The following MESP1 variants were observed in gnomAD, a reference collection of about 807,000 sequenced individuals.
The protein encoded by MESP1 is mesoderm posterior bHLH transcription factor 1, also known as mesoderm posterior protein 1.
A neutral mutation model predicts 15.2 loss-of-function variants in MESP1; 22 were observed. The ratio of observed to expected loss-of-function variants is 1.45; its 90% CI spans 1.04 to 2.07. The LOEUF (loss-of-function observed/expected upper bound fraction) is 2.07, where lower values mean the gene tolerates loss of function less well. Ranked by LOEUF, MESP1 falls within the 30% of genes most tolerant of loss-of-function variation. MESP1 has a pLI of 0.00. For missense variants in MESP1, 484 were observed against 411.9 expected, an observed-to-expected ratio of 1.17 and a Z score of -1.51; for synonymous variants, 216 against 192.6, an observed-to-expected ratio of 1.12 and a Z score of -1.01.
chr15:89,737,807 C>T, the MESP1 span: 41 of 1,574,722 alleles, frequency 2.6e-5, no homozygotes, highest in East Asian at 6.8e-4. Flanking sequence ...AGAGCCCCTC[C>T]GATCTCCTCC....
chr15:89,742,039 T>C, the MESP1 span, among the ~76,000 whole-genome samples: 2 of 151,680 alleles, frequency 1.3e-5, no homozygotes, highest in Non-Finnish European at 2.9e-5. Context: ...GCATGAGCCA[T>C]CACACCCGGC....
At chr15:89,737,688 T>C in the MESP1 span, 1 of 1,614,172 alleles carries the variant, frequency 6.2e-7, no homozygotes, top group South Asian at 1.1e-5. Context: ...TGGAAGCCAG[T>C]GTTTGCTGTG....
downstream of MESP1, among the ~76,000 whole-genome samples, chr15:89,746,297 TC>T (rs1967949000): frequency 1.5e-5 from 1 of 68,476 alleles, no homozygotes; most frequent in Non-Finnish European, 2.9e-5. Context: ...CTCCACACAT[TC>T]ACACATCCAC....
the MESP1 span, chr15:89,743,642 C>G: frequency 1.9e-6 from 1 of 524,682 alleles, no homozygotes; most frequent in Non-Finnish European, 3.4e-6. Flanking sequence ...CTCCAGACTC[C>G]CAAGTTGCTG....
the MESP1 span, among the ~76,000 whole-genome samples, chr15:89,734,881 C>A: frequency 6.6e-6 from 1 of 152,144 alleles, no homozygotes; most frequent in African/African-American, 2.4e-5. Flanking sequence ...ATGACTGTAT[C>A]TCTAAACAGT....
At chr15:89,747,582 C>T (rs1967995671), downstream of MESP1, among the ~76,000 whole-genome samples, 1 of 152,192 alleles carries the variant, frequency 6.6e-6, no homozygotes. Flanking sequence ...GTGGGGCACC[C>T]TGACTGGGCC....
chr15:89,750,180 G>A lies in MESP1; in HGVS notation c.771C>T (p.Leu257=), dbSNP rs772240411. The part of the protein sequence containing the change: ...VLALLETWMP[L]SPLEWLPEEP... Reference sequence around the variant, plus strand: ...CCTCAGGCAGCCACTCCAGAGGCGAGAGGGGCATCCAGGTCTCCAACAGAG... The same window carrying A: ...CCTCAGGCAGCCACTCCAGAGGCGAAAGGGGCATCCAGGTCTCCAACAGAG... Residue 257 remains leucine, a synonymous_variant, in exon 2 of 2, where the codon CTC becomes CTT. Transcript: ENST00000300057. 4.8e-5 allele frequency: 78 copies of A among 1,613,986 alleles called. 1 individual carries two copies. The highest frequency in any genetic ancestry group is 6.6e-5 in the Non-Finnish European group (78 of 1,180,034).
downstream of MESP1, among the ~76,000 whole-genome samples, chr15:89,747,015 GCA>G (rs1430621065): frequency 4.0e-5 from 4 of 101,032 alleles, no homozygotes; most frequent in East Asian, 5.9e-4. Flanking sequence ...ATATGCTCAC[GCA>G]CACACACAGC....
chr15:89,734,644 C>A, the MESP1 span, among the ~76,000 whole-genome samples: 1 of 152,090 alleles, frequency 6.6e-6, no homozygotes, highest in South Asian at 2.1e-4. Flanking sequence ...TTCAATCTAC[C>A]ACACCATTTT....
chr15:89,739,609 A>T, the MESP1 span, among the ~76,000 whole-genome samples: 5 of 152,148 alleles, frequency 3.3e-5, no homozygotes, highest in Admixed American at 6.5e-5. Flanking sequence ...ATCCTTGTTG[A>T]TGATTCCTTT....
At chr15:89,742,211 A>AC in the MESP1 span, among the ~76,000 whole-genome samples, 2 of 152,198 alleles carry the variant, frequency 1.3e-5, no homozygotes, top group Admixed American at 1.3e-4. Flanking sequence ...ACATAGTGAG[A>AC]CCCCATCTCT....
At chr15:89,739,064 C>A in the MESP1 span, among the ~76,000 whole-genome samples, 1 of 150,862 alleles carries the variant, frequency 6.6e-6, no homozygotes, top group Non-Finnish European at 1.5e-5. Flanking sequence ...TGCAGTGAGC[C>A]AAGATCGTGC....
At chr15:89,736,702 G>A in the MESP1 span, among the ~76,000 whole-genome samples, 5 of 152,076 alleles carry the variant, frequency 3.3e-5, no homozygotes, top group African/African-American at 1.2e-4. Context: ...GACGCAGGAG[G>A]TGGGGGAGTG....
At chr15:89,738,144 A>G in the MESP1 span, 6 of 1,614,196 alleles carry the variant, frequency 3.7e-6, no homozygotes, top group Non-Finnish European at 5.1e-6. Context: ...ATATCTCAAA[A>G]AATTGTACCA....
the MESP1 span, among the ~76,000 whole-genome samples, chr15:89,743,869 G>A: frequency 6.6e-6 from 1 of 152,202 alleles, no homozygotes; most frequent in Non-Finnish European, 1.5e-5. Flanking sequence ...TTGAGGAGGT[G>A]AGGCTCAGGA....
chr15:89,737,193 C>T, the MESP1 span, among the ~76,000 whole-genome samples: 4 of 152,098 alleles, frequency 2.6e-5, no homozygotes, highest in Non-Finnish European at 4.4e-5. Flanking sequence ...CCAGGAGGGG[C>T]TGTTAGATTG....
the MESP1 span, chr15:89,733,159 C>T: frequency 6.2e-7 from 1 of 1,614,110 alleles, no homozygotes; most frequent in Non-Finnish European, 8.5e-7. Context: ...ACAGACGCCT[C>T]CCTCCATCTG....
chr15:89,748,811 T>C (rs1968024263), downstream of MESP1: 1 of 152,200 alleles, frequency 6.6e-6, no homozygotes, highest in South Asian at 2.1e-4. Flanking sequence ...GTGAAAACGT[T>C]CTAAAATTAG....
chr15:89,747,645 G>A (rs551265291), downstream of MESP1, among the ~76,000 whole-genome samples: 48 of 152,348 alleles, frequency 3.2e-4, no homozygotes, highest in South Asian at 9.7e-3. Context: ...ACAAGCTGGT[G>A]TTCAGCCGAA....
Sources: allele counts gnomAD v4.1 joint callset (sites outside exome capture counted in the v4.1 genomes callset), GRCh38; gene constraint gnomAD v4.1.1; transcripts MANE v1.5; gene names NCBI Gene and HGNC (gene_info 2026-07-23, HGNC 2026-07-21).